Variants in ADCY2 observed in about 807,000 individuals in gnomAD.
The protein encoded by ADCY2 is adenylate cyclase 2.
Under a neutral mutation model 125.2 loss-of-function variants are expected in ADCY2, and 31 were observed. The observed-to-expected ratio is 0.25, with a 90% CI of 0.19 to 0.33. The LOEUF is 0.33. Among genes scored for constraint, ADCY2 ranks in the 10% least tolerant of loss-of-function variants. ADCY2 has a pLI of 1.00. For missense variants in ADCY2, 904 were observed against 1,418.2 expected (o/e 0.64, Z 5.82); for synonymous variants, 512 against 548.4 (o/e 0.93, Z 0.93).
intron 22 of ADCY2, among the ~76,000 whole-genome samples, chr5:7,816,113 C>T (rs142400409): frequency 3.9e-5 from 6 of 152,172 alleles, no homozygotes; most frequent in Admixed American, 3.9e-4. Context: ...CTTTAAAGAC[C>T]CTATCTCCAA....
chr5:7,696,315 A>T (rs1740890696), intron 6 of ADCY2, among the ~76,000 whole-genome samples: 1 of 152,290 alleles, frequency 6.6e-6, no homozygotes, highest in African/African-American at 2.4e-5. Context: ...CATATCTTCC[A>T]TGCAAAGCCT....
At chr5:7,587,095 C>T (rs1215110551) in intron 3 of ADCY2, among the ~76,000 whole-genome samples, 1 of 151,646 alleles carries the variant, frequency 6.6e-6, no homozygotes, top group Non-Finnish European at 1.5e-5. Context: ...GTTATAGACC[C>T]AGTGACAGGT....
intron 3 of ADCY2, among the ~76,000 whole-genome samples, chr5:7,546,960 A>G (rs558250158): frequency 6.6e-6 from 1 of 152,282 alleles, no homozygotes; most frequent in Admixed American, 6.5e-5. Context: ...ACCATAAACA[A>G]CTTTACATCA....
chr5:7,589,528 A>AAAG (rs1561112731), intron 3 of ADCY2, among the ~76,000 whole-genome samples: 1 of 132,558 alleles, frequency 7.5e-6, no homozygotes, highest in African/African-American at 3.0e-5. Context: ...AAGAAAGAGA[A>AAAG]AGAAAGAAAG....
At chr5:7,593,559 G>A (rs1019714452) in intron 3 of ADCY2, among the ~76,000 whole-genome samples, 2 of 150,478 alleles carry the variant, frequency 1.3e-5, no homozygotes, top group Non-Finnish European at 2.9e-5. Context: ...AGGATAGGAT[G>A]AGAAAAAAAA....
rs115010788 is a variant in ADCY2 at position 7,701,188 on chromosome 5, G to A, written c.1109+2814G>A. On this transcript the variant is annotated intron_variant, in intron 7 of 24. Coordinates refer to ENST00000338316, the MANE Select transcript of ADCY2 (RefSeq NM_020546.3). ...GTGAAATGAGTACTATTGGAGGGAG[G>A]TATTTGTTTTATTTCCTTTTCAATT... 5.0e-3 allele frequency among the ~76,000 whole-genome samples: 757 copies of A among 152,016 alleles called. 11 individuals carry two copies. The highest frequency in any genetic ancestry group is 0.018 in the African/African-American group (733 of 41,432).
At position 7,660,609 on chromosome 5, in the gene ADCY2, G is replaced by T. The variant is rs193219922; in HGVS notation, c.721-30082G>T. Among the ~76,000 whole-genome samples the T allele has an allele frequency of 2.8e-3, 434 of 152,298 alleles. 2 individuals are homozygous for T. Among genetic ancestry groups the T allele is most frequent in the African/African-American group, 9.1e-3 (378 of 41,564 alleles). ...TTGATACTGCAGTCTGGAGTCAGAA[G>T]GCTGGAGACATAGGTAGAATTTCCA... On this transcript the variant is annotated intron_variant, in intron 4 of 24. Transcript: ENST00000338316.
chr5:7,519,075 C>T (rs927685642), intron 2 of ADCY2, among the ~76,000 whole-genome samples: 8 of 152,154 alleles, frequency 5.3e-5, no homozygotes, highest in African/African-American at 1.7e-4. Context: ...TCAGGACCCA[C>T]GTTTATTTTT....
rs757763695 is a variant in ADCY2, at chr5:7,709,515, C to T, written c.1578+128C>T. 26 of 1,126,846 alleles carry T rather than the reference C, an allele frequency of 2.3e-5. No homozygotes were observed. In the Admixed American group the frequency reaches 7.1e-4, roughly 31 times the overall value. The allele number at this position is 1,126,846 out of a possible 1,614,324, so 69.8% of individuals were successfully genotyped here. ...AACAAACTTATCACCTTCTTCTTCT[C>T]AGAGAGGCCCTTATGAACAACCATC... On this transcript the variant is annotated intron_variant, in intron 10 of 24. Coordinates refer to ENST00000338316, the MANE Select transcript of ADCY2 (RefSeq NM_020546.3). This position sits in a 1 kb window ranked among gnomAD's most constrained non-coding sequence, Gnocchi z 4.4.
At chr5:7,414,003 G>A (rs1343121799) in intron 1 of ADCY2, among the ~76,000 whole-genome samples, 1 of 151,970 alleles carries the variant, frequency 6.6e-6, no homozygotes, top group African/African-American at 2.4e-5. Flanking sequence ...AACAAACATG[G>A]CGCCCTCCTG....
intron 1 of ADCY2, among the ~76,000 whole-genome samples, chr5:7,404,404 T>C (rs928587262): frequency 2.6e-5 from 4 of 152,182 alleles, no homozygotes; most frequent in African/African-American, 9.6e-5. Context: ...CTCCAAAGTC[T>C]TCCTGGATTA....
At chr5:7,475,121 A>C (rs1184996341) in intron 2 of ADCY2, among the ~76,000 whole-genome samples, 1 of 152,204 alleles carries the variant, frequency 6.6e-6, no homozygotes, top group Non-Finnish European at 1.5e-5. Flanking sequence ...AAAGGAACCC[A>C]TTGGCCAGTT....
At chr5:7,432,424 G>A (rs1186552270) in intron 2 of ADCY2, among the ~76,000 whole-genome samples, 2 of 152,170 alleles carry the variant, frequency 1.3e-5, no homozygotes, top group Admixed American at 1.3e-4. Flanking sequence ...GGCTTCAGGG[G>A]TCATGGGTTA....
At chr5:7,440,427 TA>T (rs56131725) in intron 2 of ADCY2, among the ~76,000 whole-genome samples, 5 of 152,124 alleles carry the variant, frequency 3.3e-5, no homozygotes, top group Admixed American at 2.6e-4. Flanking sequence ...TAAGCTACTT[TA>T]AAAAAAATCT....
rs774828675 is a variant in ADCY2 at position 7,470,889 on chromosome 5, A to G, written c.409-49849A>G. Reference sequence around the variant, plus strand: ...AGAGGTGTTGATTTTTCCAACTACGATTTGAGTTTATTTGAAGATGATCGA... The same window carrying G: ...AGAGGTGTTGATTTTTCCAACTACGGTTTGAGTTTATTTGAAGATGATCGA... On this transcript the variant is annotated intron_variant, in intron 2 of 24. Coordinates refer to ENST00000338316, the MANE Select transcript of ADCY2 (RefSeq NM_020546.3). 5.7e-4 allele frequency among the ~76,000 whole-genome samples: 86 copies of G among 151,746 alleles called. 2 individuals are homozygous for G. The highest frequency in any genetic ancestry group is 3.9e-4 in the Admixed American group (6 of 15,252).
chr5:7,502,336 C>G (rs191749306), intron 2 of ADCY2, among the ~76,000 whole-genome samples: 2 of 152,120 alleles, frequency 1.3e-5, no homozygotes, highest in African/African-American at 4.8e-5. Context: ...AGGGAGCAGC[C>G]CCTGCTATGG....
intron 3 of ADCY2, among the ~76,000 whole-genome samples, chr5:7,591,698 A>T (rs1299885436): frequency 6.6e-6 from 1 of 152,174 alleles, no homozygotes; most frequent in Non-Finnish European, 1.5e-5. Context: ...AAACCAGGAG[A>T]GCCAGATGTT....
intron 12 of ADCY2, among the ~76,000 whole-genome samples, chr5:7,719,044 A>G (rs11951389): frequency 0.044 from 6,756 of 152,332 alleles, 501 homozygotes; most frequent in African/African-American, 0.15. Context: ...AGTTAACCTC[A>G]GCATGTGTTA....
intron 19 of ADCY2, among the ~76,000 whole-genome samples, chr5:7,785,632 G>T (rs1191712838): frequency 2.0e-5 from 3 of 152,086 alleles, no homozygotes; most frequent in Non-Finnish European, 4.4e-5. Flanking sequence ...CATATGGCAG[G>T]CATGCTCTCC....
Sources: allele counts gnomAD v4.1 joint callset (sites outside exome capture counted in the v4.1 genomes callset), GRCh38; gene constraint gnomAD v4.1.1; non-coding constraint Gnocchi (gnomAD v3.1); transcripts MANE v1.5; gene names NCBI Gene and HGNC (gene_info 2026-07-23, HGNC 2026-07-21).